PTPRD: variants seen among roughly 807,000 people sequenced by gnomAD.
The protein encoded by PTPRD is protein tyrosine phosphatase receptor type D.
PTPRD carries 34 observed loss-of-function variants against 214.5 expected under a neutral mutation model. That is an observed-to-expected ratio of 0.16 (90% confidence interval 0.12 to 0.21). PTPRD has a LOEUF of 0.21. Ranked by LOEUF, PTPRD falls within the 10% of genes least tolerant of loss-of-function variation. PTPRD has a pLI of 1.00. For missense variants in PTPRD, 2,545 were observed against 2,398.7 expected (o/e 1.06, Z -1.27); for synonymous variants, 1,128 against 845.7 (o/e 1.33, Z -5.79).
intron 5 of PTPRD, among the ~76,000 whole-genome samples, chr9:9,935,209 T>G (rs11560548): frequency 0.27 from 41,133 of 151,600 alleles, 6,089 homozygotes; most frequent in Middle Eastern, 0.46. Flanking sequence ...AACATAGTGT[T>G]GGAAGTTCTG....
At chr9:8,773,331 C>T (rs752310829) in intron 11 of PTPRD, among the ~76,000 whole-genome samples, 41 of 152,268 alleles carry the variant, frequency 2.7e-4, no homozygotes, top group Non-Finnish European at 4.9e-4. Flanking sequence ...CCCAGACACT[C>T]GGCCCCATCT....
At chr9:10,042,003 G>A (rs571928585) in intron 3 of PTPRD, among the ~76,000 whole-genome samples, 3 of 152,048 alleles carry the variant, frequency 2.0e-5, no homozygotes, top group African/African-American at 4.8e-5. Context: ...CTACACAATC[G>A]TCCTCAGAAG....
At chr9:9,133,018 G>C (rs117823788) in intron 10 of PTPRD, among the ~76,000 whole-genome samples, 2,135 of 152,142 alleles carry the variant, frequency 0.014, 41 homozygotes, top group East Asian at 0.066. Context: ...TTACTCTAAG[G>C]GTAGTGATTT....
rs570624698 is a variant in PTPRD, at chr9:10,223,523, G to A, written c.-545+117440C>T. On this transcript the variant is annotated intron_variant, in intron 3 of 45. Transcript: ENST00000381196. ...TACTAAAAATAGGAGAAGTATCTGG[G>A]TGTGGTGATGTGGGCCTGTCATCCC... Among the ~76,000 whole-genome samples the A allele has an allele frequency of 1.7e-4, 26 of 151,836 alleles. No homozygotes were observed. The South Asian group carries it at 5.2e-3, about 30-fold the overall frequency.
At chr9:10,427,856 C>T (rs2154519555) in intron 2 of PTPRD, among the ~76,000 whole-genome samples, 1 of 152,084 alleles carries the variant, frequency 6.6e-6, no homozygotes, top group African/African-American at 2.4e-5. Flanking sequence ...GTATTTTAAA[C>T]CCACTTAACT....
intron 11 of PTPRD, among the ~76,000 whole-genome samples, chr9:8,994,794 G>GT (rs1367074780): frequency 2.6e-5 from 4 of 152,086 alleles, no homozygotes; most frequent in African/African-American, 9.7e-5. Flanking sequence ...GCACAAGCCT[G>GT]TGCTGAACTG....
chr9:9,827,977 T>A (rs77151847), intron 5 of PTPRD, among the ~76,000 whole-genome samples: 2 of 151,970 alleles, frequency 1.3e-5, no homozygotes, highest in Non-Finnish European at 2.9e-5. Context: ...CCAGTTAGAA[T>A]GGCGATCGTT....
At chr9:8,655,314 T>C (rs2096887749) in intron 12 of PTPRD, among the ~76,000 whole-genome samples, 1 of 152,208 alleles carries the variant, frequency 6.6e-6, no homozygotes, top group African/African-American at 2.4e-5. Flanking sequence ...GTTTTATAAT[T>C]GTAAGTAGAA....
At position 9,819,424 on chromosome 9, in the gene PTPRD, G is replaced by A. The variant is rs982564928; in HGVS notation, c.-367-52573C>T. On this transcript the variant is annotated intron_variant, in intron 5 of 45. Transcript: ENST00000381196. ...TGATATGATTCACCTTTGGTTTAAG[G>A]ACATAAGCCTAATGATAATTAATTT... Among the ~76,000 whole-genome samples, 2 of 152,102 alleles carry A rather than the reference G, an allele frequency of 1.3e-5. 1 individual carries two copies. The highest frequency in any genetic ancestry group is 4.8e-5 in the African/African-American group (2 of 41,424).
chr9:9,119,995 T>C (rs1176150257), intron 10 of PTPRD, among the ~76,000 whole-genome samples: 1 of 152,168 alleles, frequency 6.6e-6, no homozygotes, highest in Non-Finnish European at 1.5e-5. Flanking sequence ...AAAAGAAATT[T>C]GTGTTTGGGA....
intron 3 of PTPRD, among the ~76,000 whole-genome samples, chr9:10,147,264 CT>C (rs111470973): frequency 1.4e-4 from 21 of 151,134 alleles, no homozygotes; most frequent in East Asian, 3.9e-4. Flanking sequence ...ACATATAGTT[CT>C]TTTTTTTTAT....
chr9:8,480,193 G>A (rs532908254), intron 30 of PTPRD, among the ~76,000 whole-genome samples: 5 of 152,206 alleles, frequency 3.3e-5, no homozygotes, highest in African/African-American at 9.6e-5. Flanking sequence ...CAAGTACAAC[G>A]TGGCCAAACA....
chr9:9,038,667 G>A (rs2154381869), intron 10 of PTPRD, among the ~76,000 whole-genome samples: 1 of 149,454 alleles, frequency 6.7e-6, no homozygotes, highest in Non-Finnish European at 1.5e-5. Flanking sequence ...TGCTTCTCCT[G>A]ACTCAACCTC....
chr9:9,878,543 G>A lies in PTPRD; in HGVS notation c.-368+59964C>T, dbSNP rs952095975. Among the ~76,000 whole-genome samples, 11 of 152,198 alleles carry A rather than the reference G, an allele frequency of 7.2e-5. No homozygotes were observed. In the East Asian group the frequency reaches 2.1e-3, roughly 29 times the overall value. On this transcript the variant is annotated intron_variant, in intron 5 of 45. Coordinates refer to ENST00000381196, the MANE Select transcript of PTPRD (RefSeq NM_002839.4). ...CAGACAAATTAACCTGAATGTAAGA[G>A]ACTTGGTAAGTTAGAAAATAGAGAA...
At chr9:8,459,114 A>C (rs1427127047) in intron 33 of PTPRD, among the ~76,000 whole-genome samples, 1 of 152,090 alleles carries the variant, frequency 6.6e-6, no homozygotes, top group African/African-American at 2.4e-5. Flanking sequence ...TTATGGGGGA[A>C]AAACGTTATT....
intron 9 of PTPRD, among the ~76,000 whole-genome samples, chr9:9,286,310 G>T (rs1949346714): frequency 6.6e-6 from 1 of 151,784 alleles, no homozygotes; most frequent in African/African-American, 2.4e-5. Flanking sequence ...GTTATCAGAT[G>T]AGTCCCAGCA....
chr9:9,115,292 T>C (rs918480815), intron 10 of PTPRD, among the ~76,000 whole-genome samples: 1 of 152,088 alleles, frequency 6.6e-6, no homozygotes, highest in Non-Finnish European at 1.5e-5. Context: ...TTGAAAATAA[T>C]CTTACATAGA....
At chr9:8,843,333 C>T (rs867406871) in intron 11 of PTPRD, among the ~76,000 whole-genome samples, 1 of 152,208 alleles carries the variant, frequency 6.6e-6, no homozygotes, top group African/African-American at 2.4e-5. Flanking sequence ...TTTTGAAACA[C>T]AGTATCTTTC....
At chr9:8,647,233 C>T (rs529368520) in intron 12 of PTPRD, among the ~76,000 whole-genome samples, 4 of 152,178 alleles carry the variant, frequency 2.6e-5, no homozygotes, top group Admixed American at 2.0e-4. Context: ...TTCCCCTCTA[C>T]CACCTTTTGT....
Sources: gnomAD v4.1 joint callset for allele counts (sites outside exome capture counted in the v4.1 genomes callset) on GRCh38, gnomAD v4.1.1 for gene constraint, MANE v1.5 for transcripts, NCBI Gene and HGNC (gene_info 2026-07-23, HGNC 2026-07-21) for gene names.